The following DLC1 variants were observed in gnomAD, a reference collection of about 807,000 sequenced individuals.
DLC1 encodes the protein DLC1 Rho GTPase activating protein.
Under a neutral mutation model 140.3 loss-of-function variants are expected in DLC1, and 54 were observed. That is an observed-to-expected ratio of 0.38 (90% CI 0.31 to 0.48). DLC1 has a LOEUF of 0.48. Among genes scored for constraint, DLC1 ranks in the 20% least tolerant of loss-of-function variants. The pLI, the probability that DLC1 is intolerant of heterozygous loss-of-function variation, is 0.96. For missense variants in DLC1, 2,536 were observed against 1,907.0 expected (o/e 1.33, Z -6.14); for synonymous variants, 986 against 728.1 (o/e 1.35, Z -5.70).
Position 13,102,735 on chromosome 8 carries a change from A to G in DLC1, c.1566+55T>C, listed in dbSNP as rs1819199842. 6 of 1,465,076 alleles carry G rather than the reference A, an allele frequency of 4.1e-6. No individual in the cohort carries two copies. In the Admixed American group the frequency reaches 8.5e-5, roughly 21 times the overall value. The allele number at this position is 1,465,076 out of a possible 1,614,324, so 90.8% of individuals were successfully genotyped here. ...AAACCTATTACAAAACACATCATTCACTTTTTTGTTTGCCCCTTTTCCCCC... is the reference window on the plus strand; with the variant it reads ...AAACCTATTACAAAACACATCATTCGCTTTTTTGTTTGCCCCTTTTCCCCC... On this transcript the variant is annotated intron_variant, in intron 8 of 17. Transcript: ENST00000276297.
chr8:13,406,132 G>A (rs1409382790), intron 2 of DLC1, among the ~76,000 whole-genome samples: 2 of 145,944 alleles, frequency 1.4e-5, no homozygotes, highest in East Asian at 2.0e-4. Context: ...TCAGCCTCCC[G>A]AGTAGCTGGG....
intron 1 of DLC1, among the ~76,000 whole-genome samples, chr8:13,542,954 C>T (rs1585257645): frequency 6.6e-6 from 1 of 152,134 alleles, no homozygotes; most frequent in East Asian, 1.9e-4. Flanking sequence ...TGTTTTTCTG[C>T]ACCTACTGAA....
At chr8:13,312,278 G>A (rs1276638939) in intron 4 of DLC1, among the ~76,000 whole-genome samples, 3 of 130,950 alleles carry the variant, frequency 2.3e-5, no homozygotes, top group Non-Finnish European at 4.8e-5. Context: ...GGAGAATGGC[G>A]TGAACCCGGG....
At chr8:13,210,968 T>C (rs1451156236) in intron 5 of DLC1, among the ~76,000 whole-genome samples, 1 of 152,184 alleles carries the variant, frequency 6.6e-6, no homozygotes, top group Non-Finnish European at 1.5e-5. Context: ...TCTTCTAGAC[T>C]TACAACTACT....
At position 13,304,208 on chromosome 8, in the gene DLC1, A is replaced by C. The variant is rs148573965; in HGVS notation, c.1348+1061T>G. On this transcript the variant is annotated intron_variant, in intron 5 of 17. Coordinates refer to ENST00000276297, the MANE Select transcript of DLC1 (RefSeq NM_182643.3). The stretch of plus-strand genomic sequence containing the variant: ...CATTGAAAGTAATGGCCAAAACCAC[A>C]ATTACTTTTGCACCAACCTGATATT... Among the ~76,000 whole-genome samples the C allele has an allele frequency of 4.3e-4, 65 of 152,330 alleles. No homozygotes were observed. In the East Asian group the frequency reaches 0.01, roughly 23 times the overall value.
chr8:13,387,590 T>A (rs1220968375), intron 4 of DLC1, among the ~76,000 whole-genome samples: 1 of 152,040 alleles, frequency 6.6e-6, no homozygotes, highest in African/African-American at 2.4e-5. Context: ...GATTTAGAAA[T>A]ATAAAACCTG....
intron 1 of DLC1, among the ~76,000 whole-genome samples, chr8:13,573,031 G>C (rs966707339): frequency 6.6e-6 from 1 of 151,902 alleles, no homozygotes; most frequent in Non-Finnish European, 1.5e-5. Context: ...CTTTTGATAG[G>C]GATTGCATTT....
intron 4 of DLC1, among the ~76,000 whole-genome samples, chr8:13,312,133 G>A (rs1191247265): frequency 5.4e-5 from 7 of 129,654 alleles, no homozygotes; most frequent in Non-Finnish European, 1.0e-4. Context: ...AGGCCGAGGC[G>A]GGCGGATCAC....
intron 5 of DLC1, among the ~76,000 whole-genome samples, chr8:13,185,324 T>TTTTA (rs57580943): frequency 0.4 from 52,766 of 131,020 alleles, 11,584 homozygotes; most frequent in East Asian, 0.82. Context: ...TTGTTTGTTT[T>TTTTA]TGAGATGGAG....
At chr8:13,529,789 C>G (rs1257637165) in intron 1 of DLC1, among the ~76,000 whole-genome samples, 3 of 152,072 alleles carry the variant, frequency 2.0e-5, no homozygotes, top group African/African-American at 7.2e-5. Context: ...CTTAGTTTTT[C>G]CTGTAATACA....
intron 2 of DLC1, among the ~76,000 whole-genome samples, chr8:13,457,444 C>G (rs530621102): frequency 6.6e-6 from 1 of 151,730 alleles, no homozygotes; most frequent in Non-Finnish European, 1.5e-5. Flanking sequence ...TTTGAGAGGC[C>G]GAGGCAGGCA....
intron 1 of DLC1, among the ~76,000 whole-genome samples, chr8:13,582,410 C>T (rs1805137046): frequency 1.3e-5 from 2 of 152,132 alleles, no homozygotes; most frequent in African/African-American, 2.4e-5. Flanking sequence ...ACATTTGAGT[C>T]AGTGGACTGG....
At chr8:13,244,685 A>G (rs1197026940) in intron 5 of DLC1, among the ~76,000 whole-genome samples, 2 of 151,986 alleles carry the variant, frequency 1.3e-5, no homozygotes, top group African/African-American at 4.8e-5. Flanking sequence ...TTCCACTTAA[A>G]AATCTCTTCC....
intron 2 of DLC1, among the ~76,000 whole-genome samples, chr8:13,482,422 A>ATAGG (rs10678693): frequency 0.78 from 117,697 of 151,696 alleles, 46,769 homozygotes; most frequent in Middle Eastern, 0.9. Context: ...AAAGATAAAA[A>ATAGG]TAGTTGATGA....
intron 5 of DLC1, among the ~76,000 whole-genome samples, chr8:13,147,320 T>C (rs73208923): frequency 0.15 from 22,818 of 152,184 alleles, 1,848 homozygotes; most frequent in Non-Finnish European, 0.18. Flanking sequence ...CCTAAATTAG[T>C]ATGTGTGGAT....
At chr8:13,578,106 C>G (rs1388560823) in intron 1 of DLC1, among the ~76,000 whole-genome samples, 1 of 152,018 alleles carries the variant, frequency 6.6e-6, no homozygotes, top group Admixed American at 6.5e-5. Flanking sequence ...AACCAACTCC[C>G]TGGGAGTTGG....
At chr8:13,559,567 AT>A (rs1441141954) in intron 1 of DLC1, among the ~76,000 whole-genome samples, 3 of 152,210 alleles carry the variant, frequency 2.0e-5, no homozygotes, top group African/African-American at 7.2e-5. Context: ...ACACTATGTA[AT>A]TATAATAATA....
intron 4 of DLC1, among the ~76,000 whole-genome samples, chr8:13,328,028 A>G (rs1438151519): frequency 6.6e-6 from 1 of 152,224 alleles, no homozygotes; most frequent in East Asian, 1.9e-4. Context: ...CTAGGATCTT[A>G]AAATAGAAAA....
chr8:13,568,619 T>C (rs1015444326), intron 1 of DLC1, among the ~76,000 whole-genome samples: 13 of 152,088 alleles, frequency 8.5e-5, no homozygotes, highest in African/African-American at 2.2e-4. Context: ...TGATACAAAC[T>C]CTTGAGAAAT....
Sources: gnomAD v4.1 joint callset for allele counts (sites outside exome capture counted in the v4.1 genomes callset) on GRCh38, gnomAD v4.1.1 for gene constraint, MANE v1.5 for transcripts, NCBI Gene and HGNC (gene_info 2026-07-23, HGNC 2026-07-21) for gene names.